PAMR1: variants seen among roughly 807,000 people sequenced by gnomAD.
PAMR1 encodes peptidase domain containing associated with muscle regeneration 1.
In PAMR1, 88 loss-of-function variants were observed where a neutral mutation model predicts 81.8. The ratio of observed to expected loss-of-function variants is 1.08; its 90% CI spans 0.91 to 1.28. PAMR1 has a LOEUF of 1.28. Among genes scored for constraint, PAMR1 ranks in the 50% most tolerant of loss-of-function variants. PAMR1 has a pLI of 0.00. For synonymous variants in PAMR1, 336 were observed against 345.3 expected, an observed-to-expected ratio of 0.97 and a Z score of 0.30; for missense variants, 935 against 919.7, an observed-to-expected ratio of 1.02 and a Z score of -0.21.
At position 35,432,391 on chromosome 11, in the gene PAMR1, G is replaced by C; in HGVS notation, c.2128C>G (p.Pro710Ala). 1 of 1,613,556 alleles carries C rather than the reference G, an allele frequency of 6.2e-7. No homozygotes were observed. Among genetic ancestry groups the C allele is most frequent in the Non-Finnish European group, 8.5e-7 (1 of 1,180,018 alleles). ...TTTCTTTCAATCCAGTCTTTAAAAG[G>C]CAGCACCTTGGTGAAGGCAGTGGAG... ...RLSTAFTKVL[P>A]FKDWIERNMK Residue 710 changes from proline to alanine, a missense_variant, in exon 11 of 11, where the codon CCT (proline) becomes GCT (alanine). Coordinates refer to ENST00000619888, the MANE Select transcript of PAMR1 (RefSeq NM_001001991.3).
intron 8 of PAMR1, among the ~76,000 whole-genome samples, chr11:35,436,835 C>T (rs1218791565): frequency 6.6e-6 from 1 of 152,096 alleles, no homozygotes; most frequent in African/African-American, 2.4e-5. Flanking sequence ...TCCAAAGGTA[C>T]ATTATACATG....
intron 7 of PAMR1, 142 bp downstream of exon 7, chr11:35,441,339 C>T (rs1239079497): frequency 4.5e-6 from 3 of 668,104 alleles, no homozygotes; most frequent in Non-Finnish European, 7.9e-6. Context: ...AGGATGGTTT[C>T]CAACCTCAGA....
chr11:35,522,460 T>G (rs921312728), intron 1 of PAMR1, among the ~76,000 whole-genome samples: 5 of 152,228 alleles, frequency 3.3e-5, no homozygotes, highest in Non-Finnish European at 7.3e-5. Context: ...CATTTGTCTT[T>G]TTGTGTCTGG....
chr11:35,477,673 T>G (rs978127295), intron 3 of PAMR1, among the ~76,000 whole-genome samples: 2 of 152,124 alleles, frequency 1.3e-5, no homozygotes, highest in African/African-American at 4.8e-5. Flanking sequence ...AGCAGGAAAA[T>G]TAGTAAATGT....
Position 35,525,566 on chromosome 11 carries a change from G to T in PAMR1, c.20C>A (p.Thr7Lys). The change falls in exon 1 of 11, where the codon ACG (threonine) becomes AAG (lysine). Residue 7 changes from threonine (T) to lysine (K), a missense_variant. By Grantham distance (78) the Thr-to-Lys change is moderately conservative (BLOSUM62 -1). Transcript: ENST00000619888. ...CTGAAGAAAAGTGAGCCCCAACTGC[G>T]TCCAGCAACCCAGCTCCATCCTTGC... is the stretch of plus-strand genomic sequence containing the variant. MELGCW[T>K]QLGLTFLQLL... 1 of 1,613,968 alleles carries T rather than the reference G, an allele frequency of 6.2e-7. No homozygotes were observed. Among genetic ancestry groups the T allele is most frequent in the Non-Finnish European group, 8.5e-7 (1 of 1,179,940 alleles).
chr11:35,447,225 TG>T, intron 6 of PAMR1, among the ~76,000 whole-genome samples: 1 of 139,252 alleles, frequency 7.2e-6, no homozygotes, highest in East Asian at 2.2e-4. Context: ...TTTTTTGAGA[TG>T]GAGTCTCGCT....
At chr11:35,508,610 T>C (rs912541015) in intron 1 of PAMR1, among the ~76,000 whole-genome samples, 12 of 150,764 alleles carry the variant, frequency 8.0e-5, no homozygotes, top group Non-Finnish European at 1.6e-4. Context: ...ATCATGCAGG[T>C]TTGGTGTACA....
At chr11:35,452,757 T>C (rs1260501629) in intron 6 of PAMR1, among the ~76,000 whole-genome samples, 1 of 152,232 alleles carries the variant, frequency 6.6e-6, no homozygotes, top group African/African-American at 2.4e-5. Flanking sequence ...TGTCTAAATC[T>C]AGCATTATTC....
intron 5 of PAMR1, among the ~76,000 whole-genome samples, chr11:35,468,391 T>C (rs950962681): frequency 1.3e-5 from 2 of 152,200 alleles, no homozygotes; most frequent in African/African-American, 2.4e-5. Flanking sequence ...GAACATTAAA[T>C]TGATGAAAGC....
intron 4 of PAMR1, among the ~76,000 whole-genome samples, chr11:35,471,791 A>G (rs2135379874): frequency 6.6e-6 from 1 of 152,326 alleles, no homozygotes; most frequent in South Asian, 2.1e-4. Context: ...AAGAGAGGCA[A>G]AAGCATTTTT....
rs561909372 is a variant in PAMR1 at position 35,460,238 on chromosome 11, C to T, written c.820+7763G>A. On this transcript the variant is annotated intron_variant, in intron 6 of 10. Coordinates refer to ENST00000619888, the MANE Select transcript of PAMR1 (RefSeq NM_001001991.3). The stretch of plus-strand genomic sequence containing the variant: ...AACAGGCTGGTGTCTGTCTTGGGTC[C>T]CATAATGTCAGGGATACTTGTTTCC... Among the ~76,000 whole-genome samples, 4 of 152,166 alleles carry T rather than the reference C, an allele frequency of 2.6e-5. No individual in the cohort carries two copies. The South Asian group carries it at 8.3e-4, about 32-fold the overall frequency.
rs1363539727 is a variant in PAMR1, at chr11:35,474,757, G to A, written c.380-13C>T. ...ACCTGGCCACATCCTAAGAAAAGAA[G>A]AAAAGATTGGGACATAAAAATGGAG... On this transcript the variant is annotated splice_polypyrimidine_tract_variant and intron_variant, in intron 3 of 10. Coordinates refer to ENST00000619888, the MANE Select transcript of PAMR1 (RefSeq NM_001001991.3). 6.4e-7 allele frequency: 1 copy of A among 1,573,392 alleles called. No homozygotes were observed. The highest frequency in any genetic ancestry group is 1.7e-5 in the Admixed American group (1 of 57,684).
chr11:35,494,385 G>C (rs1850685609), intron 1 of PAMR1, 113 bp from the exon 2 acceptor site: 12 of 840,430 alleles, frequency 1.4e-5, no homozygotes, highest in Middle Eastern at 2.5e-4. Flanking sequence ...CCAGGCTGGA[G>C]TGCAGTGGCG....
At position 35,470,605 on chromosome 11, in the gene PAMR1, G is replaced by A. The variant is rs371095495; in HGVS notation, c.708C>T (p.Ile236=). ...ATTTGTCTCCTTGGCCTTTACCTGTGATCTCCTCATAAATGGCATGGAAAC... is the reference window on the plus strand; with the variant it reads ...ATTTGTCTCCTTGGCCTTTACCTGTAATCTCCTCATAAATGGCATGGAAAC... ...FDGFHAIYEE[I]TACSSSPCFH... is the part of the protein sequence containing the mutation. The change falls in exon 5 of 11, where the codon ATC becomes ATT. Residue 236 remains isoleucine (I), a synonymous_variant. Transcript: ENST00000619888. 64 of 1,613,172 alleles carry A rather than the reference G, an allele frequency of 4.0e-5. No homozygotes were observed. Among genetic ancestry groups the A allele is most frequent in the Non-Finnish European group, 5.3e-5 (62 of 1,179,238 alleles).
chr11:35,461,319 A>C (rs555201153), intron 6 of PAMR1, among the ~76,000 whole-genome samples: 14 of 152,184 alleles, frequency 9.2e-5, no homozygotes, highest in Non-Finnish European at 1.8e-4. Context: ...CTCTGTTCCC[A>C]GCTCTTGGAG....
At chr11:35,466,726 C>T (rs200120778) in intron 6 of PAMR1, among the ~76,000 whole-genome samples, 1 of 63,948 alleles carries the variant, frequency 1.6e-5, no homozygotes, top group Non-Finnish European at 2.9e-5. Context: ...GGCTCTATCT[C>T]AAAAAAAAAA....
At position 35,508,579 on chromosome 11, in the gene PAMR1, T is replaced by C. The variant is rs111841840; in HGVS notation, c.74-14307A>G. ...GGTTCAGGGGTACATGCACAGGTTT[T>C]TTTATGTAGGTAAACTATGTATCAT... On this transcript the variant is annotated intron_variant, in intron 1 of 10. Transcript: ENST00000619888. Among the ~76,000 whole-genome samples the C allele has an allele frequency of 7.0e-3, 1,067 of 151,426 alleles. 10 individuals are homozygous for C. The highest frequency in any genetic ancestry group is 0.025 in the African/African-American group (1,010 of 41,062).
intron 6 of PAMR1, among the ~76,000 whole-genome samples, chr11:35,451,367 A>G (rs1856415323): frequency 6.6e-6 from 1 of 152,256 alleles, no homozygotes; most frequent in Non-Finnish European, 1.5e-5. Context: ...GAATCAGGAC[A>G]TACAAACACC....
intron 8 of PAMR1, among the ~76,000 whole-genome samples, chr11:35,436,597 C>T (rs1051271628): frequency 6.6e-6 from 1 of 151,996 alleles, no homozygotes; most frequent in Non-Finnish European, 1.5e-5. Context: ...AAATGGCTAT[C>T]TCATTCTGTG....
Sources: allele counts gnomAD v4.1 joint callset (sites outside exome capture counted in the v4.1 genomes callset), GRCh38; gene constraint gnomAD v4.1.1; transcripts MANE v1.5; gene names NCBI Gene and HGNC (gene_info 2026-07-23, HGNC 2026-07-21).